The following RIC3 variants were observed in gnomAD, a reference collection of about 807,000 sequenced individuals.
The protein encoded by RIC3 is RIC3 acetylcholine receptor chaperone.
In RIC3, 28 loss-of-function variants were observed where a neutral mutation model predicts 27.3. The observed-to-expected ratio is 1.02, with a 90% CI of 0.76 to 1.41. RIC3 has a LOEUF of 1.41. RIC3 is among the 40% of genes most tolerant of loss of function. RIC3 has a pLI of 0.00. For missense variants in RIC3, 501 were observed against 444.7 expected, an observed-to-expected ratio of 1.13 and a Z score of -1.14; for synonymous variants, 184 against 160.4, an observed-to-expected ratio of 1.15 and a Z score of -1.11.
chr11:8,102,880 C>G (rs1218659008), downstream of RIC3: 2 of 147,662 alleles, frequency 1.4e-5, no homozygotes, highest in East Asian at 4.1e-4. Context: ...TTTGTTCCCA[C>G]TGTCCCCCAA....
chr11:8,162,162 G>A (rs1038293142), intron 1 of RIC3, among the ~76,000 whole-genome samples: 1 of 152,212 alleles, frequency 6.6e-6, no homozygotes, highest in African/African-American at 2.4e-5. Context: ...GAGTGAAAAG[G>A]ACACAGAAAA....
intron 3 of RIC3, 92 bp downstream of exon 3, chr11:8,138,180 A>C: frequency 2.3e-6 from 2 of 855,038 alleles, no homozygotes; most frequent in Non-Finnish European, 3.6e-6. Context: ...CTTTTGAGAA[A>C]TGCTTTTAAG....
intron 1 of RIC3, among the ~76,000 whole-genome samples, chr11:8,142,050 A>G (rs1309565199): frequency 1.3e-5 from 2 of 150,624 alleles, no homozygotes; most frequent in African/African-American, 2.5e-5. Flanking sequence ...AATTTATAGC[A>G]CTAAATGCCC....
chr11:8,097,217 C>T, the RIC3 span: 2 of 1,613,756 alleles, frequency 1.2e-6, no homozygotes, highest in South Asian at 1.1e-5. Context: ...ACCTATTCTG[C>T]ATCCCCATAG....
At position 8,139,981 on chromosome 11, in the gene RIC3, A is replaced by G; in HGVS notation, c.337T>C (p.Tyr113His). The change falls in exon 2 of 6, where the codon TAC (tyrosine) becomes CAC (histidine). Residue 113 changes from tyrosine (Y) to histidine (H), a missense_variant. Coordinates refer to ENST00000309737, the MANE Select transcript of RIC3 (RefSeq NM_001206671.4). ...ATTCTACTTACCTTAAATAGAATGT[A>G]CAGTATATATAAAAAAATCCCAAAA... The part of the protein sequence containing the change: ...YGFGIFLYIL[Y>H]ILFKLSKGKT... The G allele has an allele frequency of 6.2e-7, 1 of 1,613,516 alleles. No homozygotes were observed. Among genetic ancestry groups the G allele is most frequent in the Non-Finnish European group, 8.5e-7 (1 of 1,179,454 alleles).
At chr11:8,126,580 T>C in intron 5 of RIC3, 79 bp downstream of exon 5, 2 of 1,538,510 alleles carry the variant, frequency 1.3e-6, no homozygotes, top group Non-Finnish European at 1.8e-6. Flanking sequence ...ACCTCAATAA[T>C]GAAGCTGATT....
At chr11:8,098,186 G>C in the RIC3 span, among the ~76,000 whole-genome samples, 3 of 152,014 alleles carry the variant, frequency 2.0e-5, no homozygotes, top group African/African-American at 7.2e-5. Flanking sequence ...TGAGGGAAGA[G>C]ACACACAGCA....
the RIC3 span, chr11:8,097,552 G>A: frequency 7.9e-6 from 11 of 1,393,066 alleles, no homozygotes; most frequent in African/African-American, 1.4e-5. Context: ...CTGCCTTCGT[G>A]TCTGGTCTGT....
intron 3 of RIC3, 140 bp from the exon 4 acceptor site, chr11:8,137,611 G>T (rs1198295219): frequency 1.9e-6 from 1 of 536,400 alleles, no homozygotes; most frequent in East Asian, 2.9e-5. Context: ...TTTTATTAAA[G>T]GATTCTGTGA....
At chr11:8,128,750 CTTTTTTTTTTT>C (rs1177448703) in intron 4 of RIC3, among the ~76,000 whole-genome samples, 7 of 88,502 alleles carry the variant, frequency 7.9e-5, no homozygotes, top group Non-Finnish European at 1.3e-4. Flanking sequence ...GTTGCAAAAA[CTTTTTTTTTTT>C]TTTTTTTTTT....
intron 1 of RIC3, among the ~76,000 whole-genome samples, chr11:8,160,808 A>G (rs1224771625): frequency 1.3e-5 from 2 of 152,242 alleles, no homozygotes; most frequent in East Asian, 3.8e-4. Context: ...ACTTGCACCT[A>G]GGTCATACCA....
chr11:8,129,838 C>A (rs964666675), intron 4 of RIC3, among the ~76,000 whole-genome samples: 5 of 152,186 alleles, frequency 3.3e-5, no homozygotes, highest in African/African-American at 9.6e-5. Flanking sequence ...ATCTCTCACT[C>A]CCAGCCAATG....
intron 5 of RIC3, among the ~76,000 whole-genome samples, chr11:8,125,332 G>C (rs574190692): frequency 6.6e-6 from 1 of 151,754 alleles, no homozygotes; most frequent in Admixed American, 6.6e-5. Context: ...TCTACTCTTT[G>C]AAAGATGCTG....
At chr11:8,156,763 G>A (rs1253570768) in intron 1 of RIC3, among the ~76,000 whole-genome samples, 4 of 152,178 alleles carry the variant, frequency 2.6e-5, no homozygotes, top group African/African-American at 4.8e-5. Context: ...CCATGCCCCC[G>A]AAGCATTTTC....
intron 4 of RIC3, among the ~76,000 whole-genome samples, chr11:8,136,554 C>A (rs1453282641): frequency 1.3e-5 from 2 of 152,192 alleles, no homozygotes; most frequent in Non-Finnish European, 2.9e-5. Context: ...CCTTTCAGAT[C>A]CTCAGCCAGC....
At chr11:8,120,386 T>G (rs1946306210) in intron 5 of RIC3, among the ~76,000 whole-genome samples, 1 of 152,174 alleles carries the variant, frequency 6.6e-6, no homozygotes, top group Non-Finnish European at 1.5e-5. Context: ...TCATGTCCCT[T>G]GCAGGGACAT....
At position 8,155,089 on chromosome 11, in the gene RIC3, C is replaced by T. The variant is rs190730253; in HGVS notation, c.124+13777G>A. Among the ~76,000 whole-genome samples, 396 of 152,002 alleles carry T rather than the reference C, an allele frequency of 2.6e-3. 2 individuals carry two copies. The highest frequency in any genetic ancestry group is 9.3e-3 in the African/African-American group (384 of 41,436). On this transcript the variant is annotated intron_variant, in intron 1 of 5. Transcript: ENST00000309737. ...TTTATAAATCAGCCGGGTGTGGTGG[C>T]ATGCACCTGTAGTCCCAGCTACTCA... is the stretch of plus-strand genomic sequence containing the variant.
At chr11:8,130,689 A>G (rs1947583773) in intron 4 of RIC3, among the ~76,000 whole-genome samples, 1 of 152,160 alleles carries the variant, frequency 6.6e-6, no homozygotes, top group South Asian at 2.1e-4. Context: ...TATTACTGTA[A>G]GAGTTATTTT....
intron 4 of RIC3, among the ~76,000 whole-genome samples, chr11:8,136,917 A>C (rs1332822054): frequency 2.6e-5 from 4 of 152,232 alleles, no homozygotes. Flanking sequence ...AAAAATGTTA[A>C]ATGATAAAGA....
Sources: allele counts gnomAD v4.1 joint callset (sites outside exome capture counted in the v4.1 genomes callset), GRCh38; gene constraint gnomAD v4.1.1; transcripts MANE v1.5; gene names NCBI Gene and HGNC (gene_info 2026-07-23, HGNC 2026-07-21).